AUH: variants seen among roughly 807,000 people sequenced by gnomAD.
AUH encodes the protein methylglutaconyl-CoA hydratase, mitochondrial.
In AUH, 29 loss-of-function variants were observed where a neutral mutation model predicts 42.3. The observed-to-expected ratio is 0.69, with a 90% CI of 0.51 to 0.93. The LOEUF (loss-of-function observed/expected upper bound fraction) is 0.93, where lower values mean the gene tolerates loss of function less well. Among genes scored for constraint, AUH ranks in the 40% least tolerant of loss-of-function variants. The pLI, the probability that AUH is intolerant of heterozygous loss-of-function variation, is 0.00. For synonymous variants in AUH, 174 were observed against 166.4 expected, an observed-to-expected ratio of 1.05 and a Z score of -0.35; for missense variants, 452 against 438.1, an observed-to-expected ratio of 1.03 and a Z score of -0.28.
chr9:91,283,176 G>A (rs549149869), intron 6 of AUH, among the ~76,000 whole-genome samples: 3 of 152,222 alleles, frequency 2.0e-5, no homozygotes, highest in Admixed American at 6.5e-5. Context: ...ATCAATAAAC[G>A]TAATCCAGCA....
intron 6 of AUH, among the ~76,000 whole-genome samples, chr9:91,234,039 G>A (rs1332670504): frequency 2.6e-5 from 4 of 152,228 alleles, no homozygotes; most frequent in African/African-American, 7.2e-5. Flanking sequence ...CAAGCTCAGA[G>A]AGAGACTTCT....
At chr9:91,305,055 G>T (rs1828104444) in intron 4 of AUH, among the ~76,000 whole-genome samples, 1 of 152,020 alleles carries the variant, frequency 6.6e-6, no homozygotes, top group African/African-American at 2.4e-5. Flanking sequence ...TACCATACTA[G>T]GATATTATTT....
chr9:91,248,778 T>C (rs1408947161), intron 6 of AUH, among the ~76,000 whole-genome samples: 1 of 152,170 alleles, frequency 6.6e-6, no homozygotes, highest in East Asian at 1.9e-4. Flanking sequence ...GGAACAAGGA[T>C]GAACAAAAGG....
chr9:91,225,057 G>A (rs1312440190), intron 6 of AUH, among the ~76,000 whole-genome samples: 3 of 152,168 alleles, frequency 2.0e-5, no homozygotes, highest in African/African-American at 7.2e-5. Context: ...AACTTTTTAT[G>A]CCAACATTCT....
chr9:91,330,589 C>A (rs1295194051), intron 3 of AUH, among the ~76,000 whole-genome samples: 1 of 152,118 alleles, frequency 6.6e-6, no homozygotes, highest in Admixed American at 6.5e-5. Context: ...AATATACACA[C>A]TCAACAAAAA....
intron 4 of AUH, chr9:91,306,385 T>C: frequency 1.0e-6 from 1 of 985,342 alleles, no homozygotes; most frequent in Non-Finnish European, 1.2e-6. Context: ...ACAAAACTCT[T>C]GGCATTTAAA....
intron 6 of AUH, among the ~76,000 whole-genome samples, chr9:91,286,062 C>A (rs1458987254): frequency 2.6e-5 from 4 of 152,030 alleles, no homozygotes; most frequent in African/African-American, 9.7e-5. Context: ...ACAGAATGAT[C>A]TTTTGATATT....
At chr9:91,282,572 G>A (rs963489383) in intron 6 of AUH, among the ~76,000 whole-genome samples, 1 of 152,092 alleles carries the variant, frequency 6.6e-6, no homozygotes, top group Non-Finnish European at 1.5e-5. Flanking sequence ...TAGGAGCTGA[G>A]GTCAGAGAAG....
At chr9:91,328,033 G>A (rs1564105460) in intron 3 of AUH, among the ~76,000 whole-genome samples, 1 of 152,334 alleles carries the variant, frequency 6.6e-6, no homozygotes, top group East Asian at 1.9e-4. Flanking sequence ...AGTAAGGCCA[G>A]GGGGCCCAAG....
chr9:91,244,477 A>C (rs934020181), intron 6 of AUH, among the ~76,000 whole-genome samples: 4 of 152,248 alleles, frequency 2.6e-5, no homozygotes, highest in African/African-American at 9.6e-5. Context: ...ATGTTTTAAC[A>C]AATTTTTTAG....
At chr9:91,346,701 T>C (rs1831534173) in intron 3 of AUH, among the ~76,000 whole-genome samples, 2 of 152,076 alleles carry the variant, frequency 1.3e-5, no homozygotes, top group African/African-American at 4.8e-5. Flanking sequence ...CCAAAATTAG[T>C]GGGATCCCAC....
At chr9:91,216,008 A>G in intron 9 of AUH, 51 bp downstream of exon 9, 1 of 1,531,264 alleles carries the variant, frequency 6.5e-7, no homozygotes, top group Non-Finnish European at 9.0e-7. Context: ...ACAGAAGGTA[A>G]ATATAATTTG....
In AUH at chr9:91,213,934, G is replaced by A. The variant is rs771328083; in HGVS notation, c.*414C>T. On this transcript the variant is annotated 3_prime_UTR_variant, in exon 10 of 10. Transcript: ENST00000375731. ...GCTGTTCGTATGCATTAATCACTTAGAAACTTTATTTGGTATAACTTCACA... is the reference window on the plus strand; with the variant it reads ...GCTGTTCGTATGCATTAATCACTTAAAAACTTTATTTGGTATAACTTCACA... The A allele has an allele frequency of 1.2e-5, 2 of 168,478 alleles. No individual in the cohort carries two copies. The highest frequency in any genetic ancestry group is 5.8e-5 in the Admixed American group (1 of 17,334). The allele number at this position is 168,478 out of a possible 1,614,324, so 10.4% of individuals were successfully genotyped here.
intron 6 of AUH, among the ~76,000 whole-genome samples, chr9:91,282,919 T>G (rs1481152381): frequency 6.6e-6 from 1 of 152,030 alleles, no homozygotes; most frequent in African/African-American, 2.4e-5. Flanking sequence ...CTGAAACTAT[T>G]CCAATCAACA....
chr9:91,331,838 G>GAC (rs1830348638), intron 3 of AUH, among the ~76,000 whole-genome samples: 1 of 152,198 alleles, frequency 6.6e-6, no homozygotes, highest in Non-Finnish European at 1.5e-5. Flanking sequence ...TGCACTGCAT[G>GAC]ATGTCTAGCT....
chr9:91,297,748 C>T (rs756303795), intron 5 of AUH, among the ~76,000 whole-genome samples: 6 of 151,926 alleles, frequency 3.9e-5, no homozygotes, highest in Non-Finnish European at 7.4e-5. Flanking sequence ...GCAAGCCACG[C>T]GCCTGGTCCA....
chr9:91,292,462 A>G (rs1418292648), intron 6 of AUH, among the ~76,000 whole-genome samples: 1 of 151,846 alleles, frequency 6.6e-6, no homozygotes, highest in Non-Finnish European at 1.5e-5. Context: ...TATTTTTAGT[A>G]GAGACGGGGT....
At chr9:91,302,194 AGT>A (rs58255640) in intron 4 of AUH, among the ~76,000 whole-genome samples, 32,610 of 151,724 alleles carry the variant, frequency 0.21, 3,685 homozygotes, top group East Asian at 0.34. Flanking sequence ...GGCCGGGTGC[AGT>A]GTGGCTCATG....
chr9:91,299,639 T>C (rs75487625), intron 4 of AUH, among the ~76,000 whole-genome samples: 4,397 of 152,234 alleles, frequency 0.029, 107 homozygotes, highest in East Asian at 0.067. Flanking sequence ...GAAATGAGTT[T>C]AATGTGCAAA....
Sources: allele counts gnomAD v4.1 joint callset (sites outside exome capture counted in the v4.1 genomes callset), GRCh38; gene constraint gnomAD v4.1.1; transcripts MANE v1.5; gene names NCBI Gene and HGNC (gene_info 2026-07-23, HGNC 2026-07-21).